Variants in TBXAS1 observed in about 807,000 individuals in gnomAD.
TBXAS1 encodes thromboxane A synthase 1.
TBXAS1 carries 48 observed loss-of-function variants against 60.7 expected under a neutral mutation model. That is an observed-to-expected ratio of 0.79 (90% confidence interval 0.63 to 1.01). TBXAS1 has a LOEUF of 1.01. Among genes scored for constraint, TBXAS1 ranks in the 50% least tolerant of loss-of-function variants. TBXAS1 has a pLI of 0.00. For synonymous variants in TBXAS1, 287 were observed against 269.7 expected, an observed-to-expected ratio of 1.06 and a Z score of -0.63; for missense variants, 685 against 686.3, an observed-to-expected ratio of 1.00 and a Z score of 0.02.
At chr7:139,926,768 A>C (rs540379968) in intron 4 of TBXAS1, among the ~76,000 whole-genome samples, 13 of 151,964 alleles carry the variant, frequency 8.6e-5, no homozygotes, top group African/African-American at 3.1e-4. Flanking sequence ...TTATAACTAT[A>C]AATTTTCTTC....
intron 1 of TBXAS1, among the ~76,000 whole-genome samples, chr7:139,841,005 C>T (rs1351469762): frequency 6.7e-6 from 1 of 149,302 alleles, no homozygotes; most frequent in Non-Finnish European, 1.5e-5. Context: ...TGTGCTGCCG[C>T]TCAGGAAAAG....
At chr7:139,972,961 C>T (rs1419772798) in intron 9 of TBXAS1, among the ~76,000 whole-genome samples, 1 of 151,996 alleles carries the variant, frequency 6.6e-6, no homozygotes, top group Non-Finnish European at 1.5e-5. Flanking sequence ...CAGGGAGGCA[C>T]AGTAGATAAA....
chr7:139,952,586 T>C, intron 5 of TBXAS1: 1 of 1,537,266 alleles, frequency 6.5e-7, no homozygotes, highest in Non-Finnish European at 8.7e-7. Context: ...GAATAAAAGG[T>C]CACATGGGTG....
intron 5 of TBXAS1, chr7:139,952,568 G>T: frequency 6.5e-7 from 1 of 1,537,190 alleles, no homozygotes. Flanking sequence ...TTTTAATCAT[G>T]CAAGAGAGAA....
At chr7:139,945,665 T>C (rs1284183179) in intron 5 of TBXAS1, among the ~76,000 whole-genome samples, 1 of 152,248 alleles carries the variant, frequency 6.6e-6, no homozygotes, top group Non-Finnish European at 1.5e-5. Flanking sequence ...TGAGAGTGTA[T>C]TAGTTATCTA....
At chr7:139,930,680 G>C (rs1807248076) in intron 4 of TBXAS1, among the ~76,000 whole-genome samples, 1 of 152,020 alleles carries the variant, frequency 6.6e-6, no homozygotes, top group Non-Finnish European at 1.5e-5. Flanking sequence ...GTTCAGAAAG[G>C]GGTGGGGAAC....
intron 4 of TBXAS1, among the ~76,000 whole-genome samples, chr7:139,931,834 G>C (rs1341644168): frequency 6.6e-6 from 1 of 151,344 alleles, no homozygotes; most frequent in African/African-American, 2.4e-5. Flanking sequence ...CTCTTTCAAG[G>C]CATCTCTCAG....
At chr7:139,836,503 A>G (rs1288620511) in intron 1 of TBXAS1, among the ~76,000 whole-genome samples, 1 of 152,180 alleles carries the variant, frequency 6.6e-6, no homozygotes, top group East Asian at 1.9e-4. Context: ...GAGAACCACA[A>G]ATAAACCCAA....
At chr7:139,936,080 C>T (rs1807740680) in intron 4 of TBXAS1, 111 bp from the exon 5 acceptor site, 17 of 943,844 alleles carry the variant, frequency 1.8e-5, no homozygotes, top group Non-Finnish European at 2.8e-5. Context: ...AACCTCCTAA[C>T]TTGTTGGCCA....
intron 5 of TBXAS1, among the ~76,000 whole-genome samples, chr7:139,937,623 C>T (rs4726467): frequency 0.012 from 1,897 of 152,304 alleles, 24 homozygotes; most frequent in Middle Eastern, 0.031. Context: ...TAGACTAACA[C>T]ACTGCCTCTT....
Position 139,879,494 on chromosome 7 carries a change from G to A in TBXAS1, c.236+3857G>A, listed in dbSNP as rs749603098. Among the ~76,000 whole-genome samples, 5 of 152,062 alleles carry A rather than the reference G, an allele frequency of 3.3e-5. No homozygotes were observed. The South Asian group carries it at 8.3e-4, about 25-fold the overall frequency. On this transcript the variant is annotated intron_variant, in intron 3 of 12. Coordinates refer to ENST00000448866, the MANE Select transcript of TBXAS1 (RefSeq NM_001061.7). The stretch of plus-strand genomic sequence containing the variant: ...TAATGATTACTTGTTATCTCCTTCA[G>A]GCTGAGAATGAGCCCCAAGTTGGAT...
intron 3 of TBXAS1, among the ~76,000 whole-genome samples, chr7:139,909,534 T>C (rs1805355362): frequency 6.6e-6 from 1 of 152,236 alleles, no homozygotes; most frequent in Non-Finnish European, 1.5e-5. Context: ...ACCACATCTG[T>C]TGAATTCCTG....
At chr7:140,009,037 C>T (rs191220292) in intron 10 of TBXAS1, among the ~76,000 whole-genome samples, 274 of 152,300 alleles carry the variant, frequency 1.8e-3, no homozygotes, top group Admixed American at 2.6e-3. Context: ...ACTTCCTGGA[C>T]CTAAACTCAG....
intron 9 of TBXAS1, among the ~76,000 whole-genome samples, chr7:140,001,799 T>C (rs538630116): frequency 6.6e-6 from 1 of 152,366 alleles, no homozygotes; most frequent in African/African-American, 2.4e-5. Flanking sequence ...CACAGTTCCC[T>C]GATTGATTCA....
chr7:139,989,015 C>T (rs547143916), intron 9 of TBXAS1, among the ~76,000 whole-genome samples: 1 of 152,302 alleles, frequency 6.6e-6, no homozygotes, highest in East Asian at 1.9e-4. Context: ...GGAGAGCTCT[C>T]CGTGATCTCT....
At position 140,020,042 on chromosome 7, in the gene TBXAS1, A is replaced by C. The variant is rs1374241684; in HGVS notation, c.1545A>C (p.Glu515Asp). ...TATTTTAGGTACCGCTGCAGCTAGA[A>C]TCCAAATCTGCCCTAGGTCCAAAAA... ...CPETQVPLQL[E>D]SKSALGPKNG... The change falls in exon 13 of 13, where the codon GAA becomes GAC. Residue 515 changes from glutamate to aspartate, a missense_variant. By Grantham distance (45) the Glu-to-Asp change is conservative (BLOSUM62 2). Transcript: ENST00000448866. 1 of 1,613,906 alleles carries C rather than the reference A, an allele frequency of 6.2e-7. No homozygotes were observed. The highest frequency in any genetic ancestry group is 8.5e-7 in the Non-Finnish European group (1 of 1,179,974).
intron 4 of TBXAS1, among the ~76,000 whole-genome samples, chr7:139,793,476 C>A (rs1224649428): frequency 6.6e-6 from 1 of 151,698 alleles, no homozygotes; most frequent in African/African-American, 2.4e-5. Context: ...TACTGAGTGG[C>A]AAACAACAGT....
At position 140,004,274 on chromosome 7, in the gene TBXAS1, G is replaced by C. The variant is rs1483584566; in HGVS notation, c.1135-2817G>C. 1.3e-5 allele frequency among the ~76,000 whole-genome samples: 2 copies of C among 152,184 alleles called. No individual in the cohort carries two copies. Among genetic ancestry groups the C allele is most frequent in the Non-Finnish European group, 2.9e-5 (2 of 68,024 alleles). ...AAAGCAGGGGGACGTGTCCATCGTG[G>C]TACTCAGCGAGCTTCTTTGTTTCTT... is the stretch of plus-strand genomic sequence containing the variant. On this transcript the variant is annotated intron_variant, in intron 9 of 12. Coordinates refer to ENST00000448866, the MANE Select transcript of TBXAS1 (RefSeq NM_001061.7). The surrounding 1 kb of genome is among the most constrained non-coding windows in gnomAD (Gnocchi z 5.1).
At chr7:139,871,595 C>G (rs148435124) in intron 1 of TBXAS1, among the ~76,000 whole-genome samples, 1 of 152,198 alleles carries the variant, frequency 6.6e-6, no homozygotes, top group Non-Finnish European at 1.5e-5. Context: ...TGTCGGACCA[C>G]GCTTCCTGAT....
Sources: allele counts gnomAD v4.1 joint callset (sites outside exome capture counted in the v4.1 genomes callset), GRCh38; gene constraint gnomAD v4.1.1; non-coding constraint Gnocchi (gnomAD v3.1); transcripts MANE v1.5; gene names NCBI Gene and HGNC (gene_info 2026-07-23, HGNC 2026-07-21).